Variants in SHANK2 observed in about 807,000 individuals in gnomAD.
The protein encoded by SHANK2 is SH3 and multiple ankyrin repeat domains protein 2.
Under a neutral mutation model 133.7 loss-of-function variants are expected in SHANK2, and 43 were observed. The ratio of observed to expected loss-of-function variants is 0.32; its 90% CI spans 0.25 to 0.41. The LOEUF is 0.41. Among genes scored for constraint, SHANK2 ranks in the 10% least tolerant of loss-of-function variants. The pLI is 1.00. For synonymous variants in SHANK2, 1,017 were observed against 952.8 expected, an observed-to-expected ratio of 1.07 and a Z score of -1.24; for missense variants, 1,994 against 2,235.8, an observed-to-expected ratio of 0.89 and a Z score of 2.18.
chr11:70,598,774 T>A (rs144964868), intron 17 of SHANK2, among the ~76,000 whole-genome samples: 9 of 152,200 alleles, frequency 5.9e-5, no homozygotes, highest in Admixed American at 2.6e-4. Flanking sequence ...GAAACATCAA[T>A]TAATACAATT....
chr11:70,668,469 C>T (rs1329005199), intron 15 of SHANK2: 4 of 152,364 alleles, frequency 2.6e-5, no homozygotes, highest in African/African-American at 9.7e-5. Flanking sequence ...CCCCTGGAGC[C>T]CCCGGAGGGA....
chr11:70,699,992 C>T (rs968756531), intron 14 of SHANK2, among the ~76,000 whole-genome samples: 25 of 152,358 alleles, frequency 1.6e-4, no homozygotes, highest in African/African-American at 5.0e-4. Flanking sequence ...GCCAGCTCAA[C>T]GCTCAGGCCT....
chr11:70,812,405 C>T (rs1284379783), intron 12 of SHANK2, among the ~76,000 whole-genome samples: 3 of 152,154 alleles, frequency 2.0e-5, no homozygotes, highest in African/African-American at 7.2e-5. Flanking sequence ...TCAAAAAGTC[C>T]CACAAAGGCA....
chr11:70,563,110 C>A lies in SHANK2; in HGVS notation c.2062-60179G>T, dbSNP rs187153286. Among the ~76,000 whole-genome samples the A allele has an allele frequency of 2.0e-5, 3 of 152,304 alleles. No individual in the cohort carries two copies. In the East Asian group the frequency reaches 5.8e-4, roughly 29 times the overall value. On this transcript the variant is annotated intron_variant, in intron 17 of 25. Coordinates refer to ENST00000601538, the MANE Select transcript of SHANK2 (RefSeq NM_012309.5). Reference sequence around the variant, plus strand: ...GGTCTCGATCTCTTGATCTCGTGATCCGCCCACCCTGGCCTCCCAAAGTGC... The same window carrying A: ...GGTCTCGATCTCTTGATCTCGTGATACGCCCACCCTGGCCTCCCAAAGTGC...
chr11:71,080,307 G>C (rs1237133000), intron 8 of SHANK2, among the ~76,000 whole-genome samples: 1 of 152,164 alleles, frequency 6.6e-6, no homozygotes, highest in African/African-American at 2.4e-5. Context: ...CCTCGAGACT[G>C]TTTGCCCCAG....
chr11:71,142,476 G>T (rs1952574417), intron 3 of SHANK2, among the ~76,000 whole-genome samples: 1 of 152,086 alleles, frequency 6.6e-6, no homozygotes, highest in Non-Finnish European at 1.5e-5. Context: ...ACTCCAGCCT[G>T]GGCAACAGAG....
At chr11:70,578,612 C>T (rs2060146411) in intron 17 of SHANK2, among the ~76,000 whole-genome samples, 2 of 152,144 alleles carry the variant, frequency 1.3e-5, no homozygotes, top group South Asian at 4.2e-4. Flanking sequence ...AGGTGGGGGG[C>T]CCTGGGCCAC....
chr11:70,524,261 T>G (rs2059368124), intron 17 of SHANK2, among the ~76,000 whole-genome samples: 1 of 152,160 alleles, frequency 6.6e-6, no homozygotes, highest in African/African-American at 2.4e-5. Context: ...AATGCCACCA[T>G]CGGAGATGGG....
chr11:70,537,459 AT>A (rs2059560048), intron 17 of SHANK2, among the ~76,000 whole-genome samples: 1 of 152,246 alleles, frequency 6.6e-6, no homozygotes, highest in Non-Finnish European at 1.5e-5. Flanking sequence ...GGGAGAGGGC[AT>A]GTGGAGATGA....
At chr11:70,721,250 G>A (rs1368764075) in intron 14 of SHANK2, among the ~76,000 whole-genome samples, 1 of 152,250 alleles carries the variant, frequency 6.6e-6, no homozygotes, top group Admixed American at 6.5e-5. Context: ...TAGTGGGGCT[G>A]TGAGGGTTTC....
Position 70,822,086 on chromosome 11 carries a change from G to A in SHANK2, c.1175-1404C>T, listed in dbSNP as rs145996233. 1.3e-3 allele frequency among the ~76,000 whole-genome samples: 191 copies of A among 152,356 alleles called. 4 individuals are homozygous for A. The East Asian group carries it at 0.028, about 23-fold the overall frequency. ...CCCTTTCCAAGAAAGAAGACCTCCTGAAAGGCAGCCCTCCAAGCTCCGCAG... is the reference window on the plus strand; with the variant it reads ...CCCTTTCCAAGAAAGAAGACCTCCTAAAAGGCAGCCCTCCAAGCTCCGCAG... On this transcript the variant is annotated intron_variant, in intron 11 of 25. Coordinates refer to ENST00000601538, the MANE Select transcript of SHANK2 (RefSeq NM_012309.5).
intron 18 of SHANK2, among the ~76,000 whole-genome samples, chr11:70,502,495 G>A (rs953993177): frequency 7.2e-5 from 11 of 152,140 alleles, no homozygotes; most frequent in Non-Finnish European, 1.5e-4. Flanking sequence ...GGCCCTCATG[G>A]GTGGGCCTGG....
intron 21 of SHANK2, among the ~76,000 whole-genome samples, chr11:70,494,161 C>T (rs1333375039): frequency 6.6e-6 from 1 of 152,152 alleles, no homozygotes; most frequent in Non-Finnish European, 1.5e-5. Context: ...GATGGCCCCT[C>T]AACCTTGCAG....
chr11:70,670,676 C>T (rs1370975812), intron 15 of SHANK2, among the ~76,000 whole-genome samples: 7 of 152,208 alleles, frequency 4.6e-5, no homozygotes, highest in African/African-American at 1.7e-4. Context: ...TGATGCTGCT[C>T]TCTTGCCCTT....
rs1458982325 is a variant in SHANK2, at chr11:70,677,284, C to T, written c.1854-15606G>A. ...CCACAGACTGGGCTTCCAGACACCC[C>T]AGACAAGCCACACAGTTGCAAAGTC... On this transcript the variant is annotated intron_variant, in intron 15 of 25. Transcript: ENST00000601538. Among the ~76,000 whole-genome samples the T allele has an allele frequency of 9.8e-5, 15 of 152,290 alleles. No homozygotes were observed. The East Asian group carries it at 2.9e-3, about 29-fold the overall frequency.
chr11:70,681,444 A>C (rs1231350083), intron 15 of SHANK2, among the ~76,000 whole-genome samples: 1 of 152,130 alleles, frequency 6.6e-6, no homozygotes, highest in Non-Finnish European at 1.5e-5. Context: ...AATTAGATAA[A>C]GAGGAAACCT....
chr11:70,739,267 A>C lies in SHANK2; in HGVS notation c.1778-40504T>G, dbSNP rs989281858. On this transcript the variant is annotated intron_variant, in intron 14 of 25. Transcript: ENST00000601538. The surrounding 1 kb of genome is among the most constrained non-coding windows in gnomAD (Gnocchi z 4.3). ...CAAAGCCCAGACGCAGACCCGGGGC[A>C]TCTCCCATCTCCACCCATCTCCACT... Among the ~76,000 whole-genome samples the C allele has an allele frequency of 6.6e-6, 1 of 152,158 alleles. No homozygotes were observed. Among genetic ancestry groups the C allele is most frequent in the Non-Finnish European group, 1.5e-5 (1 of 68,026 alleles).
In SHANK2 at chr11:70,500,649, T is replaced by G; in HGVS notation, c.2288-59A>C. ...CAGGATGCAGCGCCCGCCCGCAGCC[T>G]ACACTCGGGCCTTGTCAGCTCAGGG... On this transcript the variant is annotated intron_variant, in intron 20 of 25. Coordinates refer to ENST00000601538, the MANE Select transcript of SHANK2 (RefSeq NM_012309.5). This position sits in a 1 kb window ranked among gnomAD's most constrained non-coding sequence, Gnocchi z 4.5. 6.4e-7 allele frequency: 1 copy of G among 1,573,570 alleles called. No individual in the cohort carries two copies. The highest frequency in any genetic ancestry group is 8.6e-7 in the Non-Finnish European group (1 of 1,159,556).
intron 14 of SHANK2, 73 bp downstream of exon 14, chr11:70,798,370 C>G: frequency 1.4e-6 from 1 of 705,712 alleles, no homozygotes; most frequent in Admixed American, 2.0e-5. Flanking sequence ...AATCTTGCCA[C>G]GGACAACACC....
Sources: gnomAD v4.1 joint callset for allele counts (sites outside exome capture counted in the v4.1 genomes callset) on GRCh38, gnomAD v4.1.1 for gene constraint, Gnocchi (gnomAD v3.1) non-coding constraint, MANE v1.5 for transcripts, NCBI Gene and HGNC (gene_info 2026-07-23, HGNC 2026-07-21) for gene names.